Variants in RPS6KA2 observed in about 807,000 individuals in gnomAD.
RPS6KA2 encodes the protein ribosomal protein S6 kinase A2.
Under a neutral mutation model 91.8 loss-of-function variants are expected in RPS6KA2, and 42 were observed. The ratio of observed to expected loss-of-function variants is 0.46; its 90% CI spans 0.36 to 0.59. The LOEUF is 0.59. Ranked by LOEUF, RPS6KA2 falls within the 20% of genes least tolerant of loss-of-function variation. The pLI is 0.00. For synonymous variants in RPS6KA2, 414 were observed against 393.6 expected (o/e 1.05, Z -0.61); for missense variants, 798 against 978.5 (o/e 0.82, Z 2.46).
intron 12 of RPS6KA2, among the ~76,000 whole-genome samples, chr6:166,458,173 C>A (rs1780164177): frequency 6.6e-6 from 1 of 152,212 alleles, no homozygotes; most frequent in African/African-American, 2.4e-5. Context: ...ACCCAAATCT[C>A]AGGCTCTGTG....
At chr6:166,581,766 G>C (rs915664356) in intron 1 of RPS6KA2, among the ~76,000 whole-genome samples, 2 of 147,202 alleles carry the variant, frequency 1.4e-5, no homozygotes, top group African/African-American at 5.1e-5. Context: ...GGCACGGGGA[G>C]AGGGCCGGAT....
chr6:166,674,867 C>T (rs933807258), intron 2 of RPS6KA2, among the ~76,000 whole-genome samples: 3 of 152,172 alleles, frequency 2.0e-5, no homozygotes, highest in Non-Finnish European at 4.4e-5. Flanking sequence ...TGGGGTTTCA[C>T]CATGTTGGCC....
chr6:166,629,205 G>A (rs1787001669), upstream of RPS6KA2, among the ~76,000 whole-genome samples: 1 of 152,252 alleles, frequency 6.6e-6, no homozygotes, highest in South Asian at 2.1e-4. Flanking sequence ...CCTCGGAAGG[G>A]GAGCCAGTAA....
intron 2 of RPS6KA2, among the ~76,000 whole-genome samples, chr6:166,717,794 T>C (rs939717220): frequency 6.6e-6 from 1 of 152,194 alleles, no homozygotes; most frequent in African/African-American, 2.4e-5. Flanking sequence ...CCATTTGTTA[T>C]AGATTTTTCG....
chr6:166,761,805 C>G (rs1229030787), intron 2 of RPS6KA2, among the ~76,000 whole-genome samples: 1 of 152,174 alleles, frequency 6.6e-6, no homozygotes, highest in African/African-American at 2.4e-5. Context: ...TGGGACCGCA[C>G]GGCTGTGTCC....
At chr6:166,826,445 A>G (rs1182966175) in intron 2 of RPS6KA2, among the ~76,000 whole-genome samples, 1 of 152,208 alleles carries the variant, frequency 6.6e-6, no homozygotes, top group Non-Finnish European at 1.5e-5. Flanking sequence ...GATGACCTAA[A>G]TCAGATTCAA....
intron 2 of RPS6KA2, among the ~76,000 whole-genome samples, chr6:166,805,258 T>C (rs1005448973): frequency 5.3e-5 from 8 of 152,174 alleles, no homozygotes; most frequent in Non-Finnish European, 1.0e-4. Context: ...GGTAGCTTAA[T>C]GGGCAAAGAG....
chr6:166,804,123 T>C (rs1488350899), intron 2 of RPS6KA2, among the ~76,000 whole-genome samples: 1 of 151,962 alleles, frequency 6.6e-6, no homozygotes, highest in Non-Finnish European at 1.5e-5. Flanking sequence ...AGTCAAGCAA[T>C]ACAGTGTGAG....
In RPS6KA2 at chr6:166,487,474, CAGGCTGAGTGGACAA is replaced by C. The variant is rs545408053; in HGVS notation, c.907+1344_907+1358del. ...ACTGTGTTGTGTGGAAGAATGAAAACAGGCTGAGTGGACAAAGGCGCTGACAGTGGGTTATCACCG... is the reference window on the plus strand; with the variant it reads ...ACTGTGTTGTGTGGAAGAATGAAAACAGGCGCTGACAGTGGGTTATCACCG... On this transcript the variant is annotated intron_variant, in intron 10 of 20. Coordinates refer to ENST00000265678, the MANE Select transcript of RPS6KA2 (RefSeq NM_021135.6). 6.8e-3 allele frequency among the ~76,000 whole-genome samples: 1,037 copies of C among 152,240 alleles called. 16 individuals are homozygous for C. The highest frequency in any genetic ancestry group is 0.024 in the African/African-American group (987 of 41,532).
At chr6:166,658,969 G>A (rs974561454) in intron 2 of RPS6KA2, among the ~76,000 whole-genome samples, 4 of 152,050 alleles carry the variant, frequency 2.6e-5, no homozygotes, top group African/African-American at 9.7e-5. Flanking sequence ...TAGATACCCC[G>A]ACCAATGACA....
chr6:166,450,973 G>T, intron 13 of RPS6KA2, 130 bp downstream of exon 13: 1 of 1,081,536 alleles, frequency 9.2e-7, no homozygotes. Flanking sequence ...TGTGAGGGAA[G>T]AATTGGTGAT....
rs569073423 is a variant in RPS6KA2 at position 166,617,986 on chromosome 6, T to C, written c.99+8935A>G. ...TATGGGGTCCAGGCTGATGACACCATTGGGGAGAACCCGTGTGCTCTGTCC... is the reference window on the plus strand; with the variant it reads ...TATGGGGTCCAGGCTGATGACACCACTGGGGAGAACCCGTGTGCTCTGTCC... On this transcript the variant is annotated intron_variant, in intron 1 of 20. Transcript: ENST00000265678. Among the ~76,000 whole-genome samples, 27 of 152,340 alleles carry C rather than the reference T, an allele frequency of 1.8e-4. No individual in the cohort carries two copies. In the East Asian group the frequency reaches 2.7e-3, roughly 15 times the overall value.
intron 4 of RPS6KA2, among the ~76,000 whole-genome samples, chr6:166,509,997 T>C (rs186437860): frequency 9.8e-5 from 15 of 152,314 alleles, no homozygotes; most frequent in Admixed American, 7.8e-4. Context: ...GGTTAAGATC[T>C]TCTAAATTAT....
intron 2 of RPS6KA2, among the ~76,000 whole-genome samples, chr6:166,757,247 T>C (rs911928429): frequency 1.3e-5 from 2 of 152,200 alleles, no homozygotes; most frequent in African/African-American, 2.4e-5. Flanking sequence ...TTCCCCTCAG[T>C]TGTGAAAATA....
chr6:166,852,885 G>C lies in RPS6KA2; in HGVS notation c.123+5315C>G, dbSNP rs13216905. Among the ~76,000 whole-genome samples the C allele has an allele frequency of 6.6e-6, 1 of 152,016 alleles. No homozygotes were observed. Among genetic ancestry groups the C allele is most frequent in the African/African-American group, 2.4e-5 (1 of 41,406 alleles). ...AGCCGAAACCCTGTGATCCCCGTGT[G>C]GCTGTGTCCTGCCAACTGATGGTGA... On this transcript the variant is annotated intron_variant, in intron 2 of 21. Coordinates refer to the RPS6KA2 transcript ENST00000503859. This position sits in a 1 kb window ranked among gnomAD's most constrained non-coding sequence, Gnocchi z 4.1.
intron 3 of RPS6KA2, among the ~76,000 whole-genome samples, chr6:166,516,623 G>A (rs1028935752): frequency 3.9e-5 from 6 of 152,218 alleles, no homozygotes; most frequent in African/African-American, 1.2e-4. Flanking sequence ...GCTCTGCCAC[G>A]CCCTAGACTC....
At chr6:166,651,202 T>C (rs1787845312) in intron 2 of RPS6KA2, among the ~76,000 whole-genome samples, 1 of 152,224 alleles carries the variant, frequency 6.6e-6, no homozygotes, top group Non-Finnish European at 1.5e-5. Flanking sequence ...TTATATCATA[T>C]ATATATAATT....
chr6:166,587,872 G>A (rs1785233282), intron 1 of RPS6KA2, among the ~76,000 whole-genome samples: 2 of 152,120 alleles, frequency 1.3e-5, no homozygotes, highest in African/African-American at 2.4e-5. Context: ...TCTCTGCCCT[G>A]TGGGGAAGAA....
intron 1 of RPS6KA2, among the ~76,000 whole-genome samples, chr6:166,594,926 G>A (rs932822008): frequency 6.6e-6 from 1 of 152,186 alleles, no homozygotes; most frequent in African/African-American, 2.4e-5. Flanking sequence ...CATAATGGAA[G>A]GAGATCTGGA....
Sources: allele counts gnomAD v4.1 joint callset (sites outside exome capture counted in the v4.1 genomes callset), GRCh38; gene constraint gnomAD v4.1.1; non-coding constraint Gnocchi (gnomAD v3.1); transcripts MANE v1.5; gene names NCBI Gene and HGNC (gene_info 2026-07-23, HGNC 2026-07-21).